Variants in UNC5C observed in about 807,000 individuals in gnomAD.
The protein encoded by UNC5C is netrin receptor UNC5C.
Under a neutral mutation model 99.8 loss-of-function variants are expected in UNC5C, and 47 were observed. The observed-to-expected ratio is 0.47, with a 90% CI of 0.37 to 0.60. The LOEUF (loss-of-function observed/expected upper bound fraction) is 0.60, where lower values mean the gene tolerates loss of function less well. UNC5C is among the 20% of genes least tolerant of loss of function. The pLI, the probability that UNC5C is intolerant of heterozygous loss-of-function variation, is 0.00. For synonymous variants in UNC5C, 487 were observed against 452.2 expected (o/e 1.08, Z -0.98); for missense variants, 1,062 against 1,165.9 (o/e 0.91, Z 1.30).
At chr4:95,361,568 C>T (rs1156469148) in intron 1 of UNC5C, among the ~76,000 whole-genome samples, 1 of 152,174 alleles carries the variant, frequency 6.6e-6, no homozygotes. Context: ...GATCGAATGT[C>T]TGTGACTCTC....
intron 1 of UNC5C, among the ~76,000 whole-genome samples, chr4:95,535,450 C>T (rs529402701): frequency 1.2e-4 from 19 of 152,178 alleles, no homozygotes; most frequent in African/African-American, 2.6e-4. Flanking sequence ...AAGAATAAAA[C>T]GGCACAGCAA....
At chr4:95,482,778 G>C (rs74448203) in intron 1 of UNC5C, among the ~76,000 whole-genome samples, 1 of 99,868 alleles carries the variant, frequency 1.0e-5, no homozygotes, top group Non-Finnish European at 2.0e-5. Context: ...CAAACACCGC[G>C]TGTTCTCACT....
intron 1 of UNC5C, among the ~76,000 whole-genome samples, chr4:95,432,852 T>A (rs1746670271): frequency 6.6e-6 from 1 of 152,086 alleles, no homozygotes; most frequent in Admixed American, 6.6e-5. Flanking sequence ...GGGTAGCAAC[T>A]CATCAAGGAA....
chr4:95,522,764 T>G (rs1722393350), intron 1 of UNC5C, among the ~76,000 whole-genome samples: 1 of 152,176 alleles, frequency 6.6e-6, no homozygotes, highest in Non-Finnish European at 1.5e-5. Context: ...TCTTCTTTCT[T>G]TTTCTCCTAA....
intron 1 of UNC5C, among the ~76,000 whole-genome samples, chr4:95,403,007 A>G (rs1025786518): frequency 1.3e-5 from 2 of 152,176 alleles, no homozygotes; most frequent in African/African-American, 4.8e-5. Flanking sequence ...TATCTTTTCA[A>G]TTTGATGAGT....
chr4:95,246,412 T>C (rs1035598131), intron 5 of UNC5C, among the ~76,000 whole-genome samples: 8 of 151,076 alleles, frequency 5.3e-5, no homozygotes, highest in African/African-American at 1.9e-4. Flanking sequence ...AAAAAAAAAA[T>C]TAGCAGGTCA....
intron 3 of UNC5C, among the ~76,000 whole-genome samples, chr4:95,284,487 G>A (rs753183472): frequency 2.5e-4 from 38 of 152,116 alleles, no homozygotes; most frequent in Non-Finnish European, 4.6e-4. Context: ...AGGAGTTGAC[G>A]CATCTTTGAA....
intron 1 of UNC5C, among the ~76,000 whole-genome samples, chr4:95,520,942 T>C (rs1008887387): frequency 5.3e-5 from 8 of 152,064 alleles, no homozygotes; most frequent in Non-Finnish European, 1.2e-4. Flanking sequence ...GTTGTTCCTA[T>C]GTAGCCTGGG....
At chr4:95,545,877 T>C (rs917621977) in intron 1 of UNC5C, among the ~76,000 whole-genome samples, 2 of 152,198 alleles carry the variant, frequency 1.3e-5, no homozygotes, top group Non-Finnish European at 2.9e-5. Flanking sequence ...CCAGCAATCC[T>C]GAATGAAACA....
Position 95,338,192 on chromosome 4 carries a change from G to A in UNC5C, c.125-2561C>T, listed in dbSNP as rs562884237. ...GAGCTGGGTACCTTACTCAACCATC[G>A]AAGTTGGTCCCACCATCAAGTTAAC... is the stretch of plus-strand genomic sequence containing the variant. On this transcript the variant is annotated intron_variant, in intron 1 of 15. Transcript: ENST00000453304. 2.0e-5 allele frequency among the ~76,000 whole-genome samples: 3 copies of A among 152,052 alleles called. No individual in the cohort carries two copies. The East Asian group carries it at 5.8e-4, about 29-fold the overall frequency.
rs949113007 is a variant in UNC5C, at chr4:95,219,057, G to C, written c.1557C>G (p.Asn519Lys). 1.2e-6 allele frequency: 2 copies of C among 1,614,160 alleles called. No individual in the cohort carries two copies. The highest frequency in any genetic ancestry group is 3.3e-5 in the Admixed American group (2 of 60,006). Residue 519 changes from asparagine (N) to lysine (K), a missense_variant, in exon 9 of 16, where the codon AAC (asparagine) becomes AAG (lysine). This residue lies in a region of UNC5C where 810 missense variants were observed against 854.5 expected (regional missense o/e 0.95). Transcript: ENST00000453304. The part of the protein sequence containing the change: ...LLENEALSLK[N>K]QSLARQTDPS... ...GATCAGTCTGCCTTGCTAGACTCTG[G>C]TTCTTCAGGCTGAGGGCTTCATTCT...
chr4:95,234,708 G>A (rs1365977706), intron 7 of UNC5C, among the ~76,000 whole-genome samples: 1 of 152,114 alleles, frequency 6.6e-6, no homozygotes, highest in Non-Finnish European at 1.5e-5. Context: ...TTAATTTGAA[G>A]GCACCAAGGC....
At position 95,535,188 on chromosome 4, in the gene UNC5C, G is replaced by A. The variant is rs1335116898; in HGVS notation, c.124+13546C>T. ...ATTCATAAAACTGGAACAAAAGTGTGTTGACTTTCCAAAGAGTTTTACTGT... is the reference window on the plus strand; with the variant it reads ...ATTCATAAAACTGGAACAAAAGTGTATTGACTTTCCAAAGAGTTTTACTGT... On this transcript the variant is annotated intron_variant, in intron 1 of 15. Transcript: ENST00000453304. Among the ~76,000 whole-genome samples the A allele has an allele frequency of 3.9e-5, 6 of 152,162 alleles. No homozygotes were observed. The East Asian group carries it at 5.8e-4, about 15-fold the overall frequency.
chr4:95,390,606 G>A (rs183925152), intron 1 of UNC5C, among the ~76,000 whole-genome samples: 10 of 152,248 alleles, frequency 6.6e-5, no homozygotes, highest in Non-Finnish European at 4.4e-5. Flanking sequence ...GAGGCTTGGG[G>A]TCTCTACAAA....
intron 1 of UNC5C, among the ~76,000 whole-genome samples, chr4:95,481,782 G>A (rs1233456917): frequency 1.3e-5 from 2 of 152,122 alleles, no homozygotes; most frequent in Non-Finnish European, 2.9e-5. Context: ...TTAATAAATA[G>A]TGCTGGGAAA....
chr4:95,256,101 C>T lies in UNC5C; in HGVS notation c.595-5434G>A, dbSNP rs1171886515. ...GGTTTTGTCCTACATTGCTTCATGC[C>T]TCACAGCTTCCTTAGGCTAACATTT... On this transcript the variant is annotated intron_variant, in intron 4 of 15. Transcript: ENST00000453304. Among the ~76,000 whole-genome samples the T allele has an allele frequency of 2.0e-5, 3 of 152,136 alleles. No homozygotes were observed. In the East Asian group the frequency reaches 5.8e-4, roughly 29 times the overall value.
chr4:95,529,286 G>A (rs1488235001), intron 1 of UNC5C, among the ~76,000 whole-genome samples: 1 of 145,188 alleles, frequency 6.9e-6, no homozygotes, highest in East Asian at 2.0e-4. Flanking sequence ...GTATTTATAT[G>A]TATATATGTA....
intron 14 of UNC5C, among the ~76,000 whole-genome samples, chr4:95,175,819 G>C (rs962639087): frequency 3.9e-5 from 6 of 151,918 alleles, no homozygotes; most frequent in Non-Finnish European, 7.4e-5. Flanking sequence ...AGTTCTCCTG[G>C]ATAATATCCT....
intron 1 of UNC5C, among the ~76,000 whole-genome samples, chr4:95,535,458 C>T (rs1280289655): frequency 6.6e-6 from 1 of 152,110 alleles, no homozygotes; most frequent in Admixed American, 6.5e-5. Context: ...AACGGCACAG[C>T]AACAATTGCT....
Sources: allele counts gnomAD v4.1 joint callset (sites outside exome capture counted in the v4.1 genomes callset), GRCh38; gene constraint gnomAD v4.1.1; regional missense constraint gnomAD v4.1.1; transcripts MANE v1.5; gene names NCBI Gene and HGNC (gene_info 2026-07-23, HGNC 2026-07-21).